Variants in SLC5A9 observed in about 807,000 individuals in gnomAD.
SLC5A9 encodes the protein solute carrier family 5 member 9.
In SLC5A9, 59 loss-of-function variants were observed where a neutral mutation model predicts 70.9. The ratio of observed to expected loss-of-function variants is 0.83; its 90% CI spans 0.68 to 1.03. The LOEUF (loss-of-function observed/expected upper bound fraction) is 1.03, where lower values mean the gene tolerates loss of function less well. SLC5A9 is among the 50% of genes least tolerant of loss of function. The probability of loss-of-function intolerance (pLI) is 0.00; values close to 1 mark genes in which losing one functional copy is unlikely to be tolerated. For synonymous variants in SLC5A9, 340 were observed against 346.5 expected (o/e 0.98, Z 0.21); for missense variants, 832 against 881.1 (o/e 0.94, Z 0.71).
rs771338947 is a variant in SLC5A9 at position 48,222,843 on chromosome 1, A to G, written c.107A>G (p.Tyr36Cys). ...ALDSRVGLHA[Y>C]DISVVVIYFV... ...GACTCCAGAGTTGGTCTGCACGCCT[A>G]CGACATCAGCGTGGTGGTCATCTAC... is the stretch of plus-strand genomic sequence containing the variant. The change falls in exon 1 of 14, where the codon TAC (tyrosine) becomes TGC (cysteine). Residue 36 changes from tyrosine (Y) to cysteine (C), a missense_variant. Coordinates refer to ENST00000438567, the MANE Select transcript of SLC5A9 (RefSeq NM_001011547.3). 3 of 1,614,204 alleles carry G rather than the reference A, an allele frequency of 1.9e-6. No individual in the cohort carries two copies. Among genetic ancestry groups the G allele is most frequent in the Middle Eastern group, 1.6e-4 (1 of 6,062 alleles).
chr1:48,237,312 T>C (rs560298862), intron 10 of SLC5A9, among the ~76,000 whole-genome samples: 10 of 124,552 alleles, frequency 8.0e-5, no homozygotes, highest in Admixed American at 5.1e-4. Context: ...AGGGCAGGGA[T>C]GGAAAAGAGA....
chr1:48,237,710 A>T lies in SLC5A9; in HGVS notation c.1324A>T (p.Ile442Phe). 1 of 1,614,028 alleles carries T rather than the reference A, an allele frequency of 6.2e-7. No homozygotes were observed. The highest frequency in any genetic ancestry group is 8.5e-7 in the Non-Finnish European group (1 of 1,180,000). ...VFVVFLVVIS[I>F]LWIPIIQSSN... ...TGTGGTGTTCCTGGTTGTCATCAGC[A>T]TCCTCTGGATCCCCATCATCCAAAG... Residue 442 changes from isoleucine (I) to phenylalanine (F), a missense_variant, in exon 11 of 14, where the codon ATC becomes TTC. Coordinates refer to ENST00000438567, the MANE Select transcript of SLC5A9 (RefSeq NM_001011547.3).
chr1:48,242,252 G>C (rs961519733), intron 12 of SLC5A9: 9 of 591,678 alleles, frequency 1.5e-5, no homozygotes, highest in Non-Finnish European at 2.1e-5. Flanking sequence ...GCCTGGGGTA[G>C]AGCACCTGGT....
In SLC5A9 at chr1:48,239,170, T is replaced by A; in HGVS notation, c.1462-152T>A. The stretch of plus-strand genomic sequence containing the variant: ...CCTTTAAGTCAAGACGAAGTCTCAG[T>A]ATTAATGGAGAACTCATTTTCCCAT... On this transcript the variant is annotated intron_variant, in intron 11 of 13. Coordinates refer to ENST00000438567, the MANE Select transcript of SLC5A9 (RefSeq NM_001011547.3). The surrounding 1 kb of genome is among the most constrained non-coding windows in gnomAD (Gnocchi z 4.2). 1.6e-6 allele frequency: 1 copy of A among 624,000 alleles called. No individual in the cohort carries two copies. Among genetic ancestry groups the A allele is most frequent in the South Asian group, 2.0e-5 (1 of 48,802 alleles). 38.7% of individuals were successfully genotyped at this position (624,000 alleles called of 1,614,324 possible). A position where few individuals can be genotyped will look rare whatever the true frequency, so the allele number is the denominator to read the frequency against.
rs201648239 is a variant in SLC5A9 at position 48,228,946 on chromosome 1, G to A, written c.331G>A (p.Glu111Lys). 1.9e-4 allele frequency: 300 copies of A among 1,613,210 alleles called. No individual in the cohort carries two copies. The highest frequency in any genetic ancestry group is 3.6e-4 in the South Asian group (33 of 91,072). Residue 111 changes from glutamate to lysine, a missense_variant, in exon 3 of 14, where the codon GAG (glutamate) becomes AAG (lysine). Transcript: ENST00000438567. ...CGGAGGCCTTGCCGTAGGTGGCTTCGAGTGGAACGTAAGGAAGCTGGCCTG... is the reference window on the plus strand; with the variant it reads ...CGGAGGCCTTGCCGTAGGTGGCTTCAAGTGGAACGTAAGGAAGCTGGCCTG... ...AAGGLAVGGF[E>K]WNATWLLLAL...
At chr1:48,243,239 C>T (rs1481339846) in intron 13 of SLC5A9, among the ~76,000 whole-genome samples, 2 of 152,084 alleles carry the variant, frequency 1.3e-5, no homozygotes, top group African/African-American at 2.4e-5. Flanking sequence ...AATACAGAAG[C>T]GTGGTTGTCC....
Position 48,232,450 on chromosome 1 carries a change from C to T in SLC5A9, c.981C>T (p.Leu327=), listed in dbSNP as rs1644263421. Residue 327 remains leucine, a synonymous_variant, in exon 8 of 14, where the codon CTC becomes CTT. Transcript: ENST00000438567. ...GSVLGGYLKI[L]PMFFIVMPGM... ...TGCTGGGGGGCTACCTGAAGATCCT[C>T]CCCATGTTCTTCATCGTCATGCCTG... 6.2e-7 allele frequency: 1 copy of T among 1,614,182 alleles called. No individual in the cohort carries two copies. The highest frequency in any genetic ancestry group is 8.5e-7 in the Non-Finnish European group (1 of 1,180,032).
In SLC5A9 at chr1:48,236,446, G is replaced by A. The variant is rs562149861; in HGVS notation, c.1292+567G>A. Among the ~76,000 whole-genome samples, 15 of 152,336 alleles carry A rather than the reference G, an allele frequency of 9.8e-5. No individual in the cohort carries two copies. The South Asian group carries it at 3.1e-3, about 32-fold the overall frequency. On this transcript the variant is annotated intron_variant, in intron 10 of 13. Transcript: ENST00000438567. ...CATAGGAGGGCTCTCTCCAAATGAT[G>A]CAGAGCCTTGGACACCAAGCTAAGG...
chr1:48,239,409 G>A lies in SLC5A9; in HGVS notation c.1549G>A (p.Glu517Lys). 1 of 1,614,200 alleles carries A rather than the reference G, an allele frequency of 6.2e-7. No homozygotes were observed. Among genetic ancestry groups the A allele is most frequent in the Non-Finnish European group, 8.5e-7 (1 of 1,180,036 alleles). ...CTCATACCCAGCGCCAGCCTGTGGGGAGGTGGACCGGAGGCCAGCAGTGCT... is the reference window on the plus strand; with the variant it reads ...CTCATACCCAGCGCCAGCCTGTGGGAAGGTGGACCGGAGGCCAGCAGTGCT... ...EFSYPAPACG[E>K]VDRRPAVLKD... Residue 517 changes from glutamate to lysine, a missense_variant, in exon 12 of 14, where the codon GAG becomes AAG. Physicochemically the swap from Glu to Lys is moderately conservative, Grantham distance 56. Transcript: ENST00000438567. This position sits in a 1 kb window ranked among gnomAD's most constrained non-coding sequence, Gnocchi z 4.2.
chr1:48,245,716 C>T (rs886586737), intron 13 of SLC5A9, among the ~76,000 whole-genome samples: 11 of 152,308 alleles, frequency 7.2e-5, no homozygotes, highest in Middle Eastern at 3.4e-3. Flanking sequence ...CATCCCAGCA[C>T]TTTGGGAGGC....
intron 2 of SLC5A9, chr1:48,228,443 C>T (rs2148567148): frequency 5.2e-6 from 1 of 190,484 alleles, no homozygotes; most frequent in East Asian, 1.4e-4. Flanking sequence ...GCCTGGCTAT[C>T]CCTGGGGTGG....
intron 4 of SLC5A9, among the ~76,000 whole-genome samples, chr1:48,229,869 G>T (rs374991124): frequency 1.3e-5 from 2 of 152,300 alleles, no homozygotes; most frequent in African/African-American, 4.8e-5. Context: ...GCTAGCTCTA[G>T]AACTGAAGCT....
At position 48,247,463 on chromosome 1, in the gene SLC5A9, C is replaced by T. The variant is rs754993615; in HGVS notation, c.1966C>T (p.Pro656Ser). The T allele has an allele frequency of 6.2e-7, 1 of 1,614,052 alleles. No individual in the cohort carries two copies. Among genetic ancestry groups the T allele is most frequent in the Non-Finnish European group, 8.5e-7 (1 of 1,180,044 alleles). The change falls in exon 14 of 14, where the codon CCA becomes TCA. Residue 656 changes from proline (P) to serine (S), a missense_variant. Pro to Ser is a moderately conservative substitution (Grantham distance 74). Transcript: ENST00000438567. ...EQKLTSIEEE[P>S]LWRHVCNINA... ...GAAGCTGACAAGCATTGAGGAGGAG[C>T]CACTCTGGAGACATGTCTGCAACAT... is the stretch of plus-strand genomic sequence containing the variant.
intron 13 of SLC5A9, among the ~76,000 whole-genome samples, chr1:48,246,843 A>G (rs1050517430): frequency 1.3e-5 from 2 of 152,238 alleles, no homozygotes; most frequent in Non-Finnish European, 2.9e-5. Flanking sequence ...TGATTTGCAT[A>G]TGGCCTCACA....
Position 48,247,975 on chromosome 1 carries a change from C to T in SLC5A9, c.*432C>T, listed in dbSNP as rs1569879378. ...CCCCCTTATCCTCCTTCCTCTTCCC[C>T]TTTCTAGTTCCCCTACCTCTCTATC... is the stretch of plus-strand genomic sequence containing the variant. On this transcript the variant is annotated 3_prime_UTR_variant, in exon 14 of 14. Transcript: ENST00000438567. 1 of 179,580 alleles carries T rather than the reference C, an allele frequency of 5.6e-6. No individual in the cohort carries two copies. Among genetic ancestry groups the T allele is most frequent in the Non-Finnish European group, 1.2e-5 (1 of 82,962 alleles). The allele number at this position is 179,580 out of a possible 1,614,324, so 11.1% of individuals were successfully genotyped here. A position where few individuals can be genotyped will look rare whatever the true frequency, so the allele number is the denominator to read the frequency against.
intron 4 of SLC5A9, 100 bp from the exon 5 acceptor site, chr1:48,230,500 C>CT: frequency 1.3e-6 from 1 of 767,630 alleles, no homozygotes; most frequent in East Asian, 2.5e-5. Flanking sequence ...GTGATGAGGG[C>CT]TGAGGGTGCC....
intron 13 of SLC5A9, among the ~76,000 whole-genome samples, chr1:48,242,818 G>C (rs981144495): frequency 3.3e-5 from 5 of 152,176 alleles, no homozygotes; most frequent in Admixed American, 3.3e-4. Context: ...CCTCATTACT[G>C]ATCAAGTATA....
At chr1:48,225,936 C>A (rs1023336239) in intron 2 of SLC5A9, among the ~76,000 whole-genome samples, 1 of 152,146 alleles carries the variant, frequency 6.6e-6, no homozygotes, top group Non-Finnish European at 1.5e-5. Flanking sequence ...CCACCCTTCT[C>A]CTTCTCACCA....
chr1:48,239,475 G>T lies in SLC5A9; in HGVS notation c.1615G>T (p.Gly539Trp). The change falls in exon 12 of 14, where the codon GGG (glycine) becomes TGG (tryptophan). Residue 539 changes from glycine (G) to tryptophan (W), a missense_variant. Coordinates refer to ENST00000438567, the MANE Select transcript of SLC5A9 (RefSeq NM_001011547.3). This position sits in a 1 kb window ranked among gnomAD's most constrained non-coding sequence, Gnocchi z 4.2. Reference protein sequence around the residue: ...HYLYFAILLCGLTAIVIVIVS... With the variant: ...HYLYFAILLCWLTAIVIVIVS... The stretch of plus-strand genomic sequence containing the variant: ...CCTGTACTTTGCAATCCTCCTCTGC[G>T]GGCTCACTGCCATCGTCATTGTCAT... 2.5e-6 allele frequency: 4 copies of T among 1,614,144 alleles called. No individual in the cohort carries two copies. The South Asian group carries it at 3.3e-5, about 13-fold the overall frequency.
Sources: allele counts gnomAD v4.1 joint callset (sites outside exome capture counted in the v4.1 genomes callset), GRCh38; gene constraint gnomAD v4.1.1; non-coding constraint Gnocchi (gnomAD v3.1); transcripts MANE v1.5; gene names NCBI Gene and HGNC (gene_info 2026-07-23, HGNC 2026-07-21).